The following SGK3 variants were observed in gnomAD, a reference collection of about 807,000 sequenced individuals.
SGK3 encodes the protein serine/threonine-protein kinase Sgk3.
A neutral mutation model predicts 68.5 loss-of-function variants in SGK3; 47 were observed. That is an observed-to-expected ratio of 0.69 (90% confidence interval 0.54 to 0.87). The LOEUF is 0.87. Among genes scored for constraint, SGK3 ranks in the 40% least tolerant of loss-of-function variants. The probability of loss-of-function intolerance (pLI) is 0.00; values close to 1 mark genes in which losing one functional copy is unlikely to be tolerated. For synonymous variants in SGK3, 181 were observed against 189.1 expected (o/e 0.96, Z 0.35); for missense variants, 479 against 575.5 (o/e 0.83, Z 1.72).
intron 6 of SGK3, among the ~76,000 whole-genome samples, chr8:66,825,702 TA>T (rs1809027002): frequency 6.6e-6 from 1 of 152,142 alleles, no homozygotes; most frequent in African/African-American, 2.4e-5. Flanking sequence ...CAGAGAAAAA[TA>T]GAGGCCAAGG....
At chr8:66,851,167 G>C (rs1355482193) in intron 16 of SGK3, among the ~76,000 whole-genome samples, 4 of 152,112 alleles carry the variant, frequency 2.6e-5, no homozygotes, top group Non-Finnish European at 4.4e-5. Flanking sequence ...TTTGGAGCAT[G>C]TATAAGAAAA....
intron 5 of SGK3, among the ~76,000 whole-genome samples, chr8:66,815,983 A>G (rs531691817): frequency 6.6e-6 from 1 of 152,258 alleles, no homozygotes; most frequent in Admixed American, 6.5e-5. Flanking sequence ...CACCCCAAAA[A>G]TAGTCAAGAG....
At chr8:66,836,171 A>T in intron 10 of SGK3, 97 bp downstream of exon 10, 1 of 1,453,110 alleles carries the variant, frequency 6.9e-7, no homozygotes, top group Middle Eastern at 2.5e-4. Flanking sequence ...GTATAAAATC[A>T]GTAGCTTTTT....
intron 1 of SGK3, among the ~76,000 whole-genome samples, chr8:66,752,301 G>A (rs531162965): frequency 4.6e-5 from 7 of 152,224 alleles, no homozygotes; most frequent in Admixed American, 2.6e-4. Context: ...CCTTGACTGC[G>A]GTAGTTTCCT....
intron 2 of SGK3, among the ~76,000 whole-genome samples, chr8:66,796,298 A>T (rs547959781): frequency 7.3e-6 from 1 of 137,420 alleles, no homozygotes; most frequent in African/African-American, 2.7e-5. Context: ...CACCACGCCC[A>T]GCTAATTTTT....
chr8:66,721,111 T>C (rs1173346682), intron 1 of SGK3, among the ~76,000 whole-genome samples: 1 of 152,242 alleles, frequency 6.6e-6, no homozygotes, highest in Non-Finnish European at 1.5e-5. Context: ...TATCATAGGC[T>C]GTCTCAGAGT....
At chr8:66,852,586 CT>C (rs1036106271) in intron 16 of SGK3, among the ~76,000 whole-genome samples, 4 of 152,026 alleles carry the variant, frequency 2.6e-5, no homozygotes, top group Non-Finnish European at 1.5e-5. Flanking sequence ...GCCAGGAATA[CT>C]TTTTTAATAA....
At chr8:66,767,806 A>G in intron 1 of SGK3, 2 of 1,560,250 alleles carry the variant, frequency 1.3e-6, no homozygotes, top group Non-Finnish European at 1.8e-6. Context: ...AGCTCTGTTG[A>G]CAGTTCCCAA....
intron 6 of SGK3, among the ~76,000 whole-genome samples, chr8:66,824,898 A>G (rs1808990061): frequency 6.6e-6 from 1 of 152,232 alleles, no homozygotes; most frequent in Non-Finnish European, 1.5e-5. Context: ...TTGCAAAATT[A>G]TATATTGGTA....
At chr8:66,816,490 T>C (rs970631534) in intron 5 of SGK3, among the ~76,000 whole-genome samples, 3 of 151,258 alleles carry the variant, frequency 2.0e-5, no homozygotes, top group Admixed American at 2.0e-4. Flanking sequence ...GGATTACAGG[T>C]GCGCGCCACC....
intron 8 of SGK3, among the ~76,000 whole-genome samples, chr8:66,833,195 G>A (rs753864837): frequency 2.6e-5 from 4 of 151,996 alleles, no homozygotes; most frequent in African/African-American, 4.8e-5. Flanking sequence ...TAGTGGGGAC[G>A]GGGTTTTACC....
chr8:66,751,795 C>A (rs1440996705), intron 1 of SGK3, among the ~76,000 whole-genome samples: 1 of 151,054 alleles, frequency 6.6e-6, no homozygotes, highest in African/African-American at 2.5e-5. Context: ...GACAGAGCTT[C>A]ACTCCTGTTG....
intron 14 of SGK3, 49 bp downstream of exon 14, chr8:66,843,596 TTGTC>T (rs751700436): frequency 9.6e-6 from 15 of 1,566,250 alleles, no homozygotes; most frequent in Admixed American, 6.8e-5. Flanking sequence ...ATTGATTTGA[TTGTC>T]TGTCTGTCTC....
chr8:66,845,754 C>T (rs1030513676), intron 14 of SGK3, among the ~76,000 whole-genome samples: 4 of 150,722 alleles, frequency 2.7e-5, no homozygotes, highest in East Asian at 1.9e-4. Context: ...GACAGGGTGT[C>T]GCCATGTTGC....
intron 13 of SGK3, among the ~76,000 whole-genome samples, chr8:66,842,522 G>C (rs1394901516): frequency 1.3e-5 from 2 of 151,980 alleles, no homozygotes; most frequent in South Asian, 2.1e-4. Context: ...AAGCTTAAGA[G>C]GAAATTATTT....
chr8:66,718,650 T>C (rs1404457900), intron 1 of SGK3, among the ~76,000 whole-genome samples: 1 of 151,930 alleles, frequency 6.6e-6, no homozygotes, highest in Non-Finnish European at 1.5e-5. Context: ...TCCCTCAGCC[T>C]CCTGAGTAGC....
At position 66,821,581 on chromosome 8, in the gene SGK3, C is replaced by T. The variant is rs192422035; in HGVS notation, c.330-791C>T. ...AGGCTGGAGTGCAGTGGCACAATCT[C>T]GGCTCACTGCAAGCTCCGCCTCCCG... is the stretch of plus-strand genomic sequence containing the variant. On this transcript the variant is annotated intron_variant, in intron 5 of 16. Transcript: ENST00000521198. 5.5e-3 allele frequency among the ~76,000 whole-genome samples: 828 copies of T among 151,566 alleles called. 28 individuals are homozygous for T. The East Asian group carries it at 0.098, about 18-fold the overall frequency.
At chr8:66,857,788 AGT>A (rs1244850448) in intron 16 of SGK3, among the ~76,000 whole-genome samples, 1 of 115,510 alleles carries the variant, frequency 8.7e-6, no homozygotes, top group Non-Finnish European at 1.9e-5. Context: ...GTCTCAAAAA[AGT>A]GTGTGTGTAT....
chr8:66,794,801 C>T (rs993916734), intron 2 of SGK3, among the ~76,000 whole-genome samples: 5 of 152,168 alleles, frequency 3.3e-5, no homozygotes, highest in African/African-American at 1.2e-4. Flanking sequence ...CTTGTCGTCC[C>T]TCTAGATCTT....
Sources: gnomAD v4.1 joint callset for allele counts (sites outside exome capture counted in the v4.1 genomes callset) on GRCh38, gnomAD v4.1.1 for gene constraint, MANE v1.5 for transcripts, NCBI Gene and HGNC (gene_info 2026-07-23, HGNC 2026-07-21) for gene names.